Variants in APTX observed in about 807,000 individuals in gnomAD.
APTX encodes aprataxin.
A neutral mutation model predicts 42.3 loss-of-function variants in APTX; 33 were observed. That is an observed-to-expected ratio of 0.78 (90% CI 0.59 to 1.04). The LOEUF (loss-of-function observed/expected upper bound fraction) is 1.04, where lower values mean the gene tolerates loss of function less well. APTX is among the 50% of genes least tolerant of loss of function. APTX has a pLI of 0.00. For synonymous variants in APTX, 130 were observed against 146.7 expected (o/e 0.89, Z 0.82); for missense variants, 421 against 415.1 (o/e 1.01, Z -0.12).
intron 1 of APTX, among the ~76,000 whole-genome samples, chr9:33,020,530 G>A (rs371607607): frequency 6.3e-4 from 96 of 152,342 alleles, no homozygotes; most frequent in African/African-American, 2.2e-3. Context: ...AAATTTAAAT[G>A]TAATCAAATC....
chr9:33,009,489 C>T (rs1449024914), intron 1 of APTX, among the ~76,000 whole-genome samples: 1 of 152,166 alleles, frequency 6.6e-6, no homozygotes, highest in Non-Finnish European at 1.5e-5. Flanking sequence ...AATCCAATCA[C>T]ACTGCAACTA....
At position 32,988,730 on chromosome 9, in the gene APTX, G is replaced by A. The variant is rs563825065; in HGVS notation, c.134-601C>T. Among the ~76,000 whole-genome samples the A allele has an allele frequency of 5.0e-5, 7 of 139,224 alleles. No individual in the cohort carries two copies. In the South Asian group the frequency reaches 7.5e-4, roughly 15 times the overall value. The allele number at this position is 139,224 out of a possible 152,430, so 91.3% of individuals were successfully genotyped here. On this transcript the variant is annotated intron_variant, in intron 2 of 7. Coordinates refer to ENST00000379817, the MANE Select transcript of APTX (RefSeq NM_001195248.2). The stretch of plus-strand genomic sequence containing the variant: ...AAAAAAAAAGATCCATTTCTCACAC[G>A]AACTCTTGACCAAGGATTAAATCAG...
chr9:32,986,368 G>T (rs927499215), intron 4 of APTX, among the ~76,000 whole-genome samples: 4 of 151,568 alleles, frequency 2.6e-5, no homozygotes, highest in South Asian at 2.1e-4. Context: ...GCTAACTTTT[G>T]TATTTTTTAG....
upstream of APTX, among the ~76,000 whole-genome samples, chr9:33,005,032 T>C (rs1837037581): frequency 6.6e-6 from 1 of 152,188 alleles, no homozygotes; most frequent in African/African-American, 2.4e-5. Context: ...TGATTAGTGA[T>C]GTTGATCTTT....
chr9:33,005,447 G>A (rs1047574291), upstream of APTX, among the ~76,000 whole-genome samples: 1 of 151,414 alleles, frequency 6.6e-6, no homozygotes, highest in African/African-American at 2.4e-5. Flanking sequence ...TTTTGTTTTT[G>A]TTTTTGTGAG....
intron 1 of APTX, among the ~76,000 whole-genome samples, chr9:33,011,119 C>A (rs908607810): frequency 4.7e-5 from 7 of 148,212 alleles, no homozygotes; most frequent in Admixed American, 6.7e-5. Context: ...CTACAGCCTG[C>A]GTGACAGAGT....
At chr9:32,998,115 C>A (rs1294132314) in intron 1 of APTX, among the ~76,000 whole-genome samples, 2 of 152,166 alleles carry the variant, frequency 1.3e-5, no homozygotes, top group Admixed American at 6.5e-5. Context: ...AGGAAAGACA[C>A]TGAGTTCAGT....
intron 1 of APTX, among the ~76,000 whole-genome samples, chr9:33,018,953 C>G (rs2119299151): frequency 6.6e-6 from 1 of 152,102 alleles, no homozygotes; most frequent in East Asian, 1.9e-4. Context: ...CTGTCACAGT[C>G]AAGATGAGAC....
At chr9:33,000,584 C>A (rs2119111136) in intron 1 of APTX, among the ~76,000 whole-genome samples, 1 of 145,376 alleles carries the variant, frequency 6.9e-6, no homozygotes, top group East Asian at 2.1e-4. Flanking sequence ...CGAGATCACG[C>A]CGTTGCTCTC....
intron 1 of APTX, among the ~76,000 whole-genome samples, chr9:33,010,201 G>A (rs867969487): frequency 1.3e-5 from 2 of 152,152 alleles, no homozygotes; most frequent in Admixed American, 6.5e-5. Flanking sequence ...TCTTGGCACC[G>A]TCAGACCAGC....
intron 1 of APTX, among the ~76,000 whole-genome samples, chr9:32,992,785 A>C (rs1434871603): frequency 2.6e-5 from 4 of 152,236 alleles, no homozygotes; most frequent in African/African-American, 9.6e-5. Flanking sequence ...GAGGCTGTTA[A>C]TATAACGTGA....
chr9:33,025,067 G>A lies in APTX; in HGVS notation c.-49C>T, dbSNP rs917665243. The A allele has an allele frequency of 7.2e-5, 11 of 152,684 alleles. No homozygotes were observed. The East Asian group carries it at 1.3e-3, about 19-fold the overall frequency. 9.5% of individuals were successfully genotyped at this position (152,684 alleles called of 1,614,324 possible). A position where few individuals can be genotyped will look rare whatever the true frequency, so the allele number is the denominator to read the frequency against. Reference sequence around the variant, plus strand: ...TCTCAGGCTCGCTGAGTGGAGAAAAGGGCTCCAGAAGATTCCACGAGCGCC... The same window carrying A: ...TCTCAGGCTCGCTGAGTGGAGAAAAAGGCTCCAGAAGATTCCACGAGCGCC... On this transcript the variant is annotated 5_prime_UTR_variant, in exon 1 of 7. Transcript: ENST00000436040.
chr9:33,002,171 T>C (rs1836679202), upstream of APTX, among the ~76,000 whole-genome samples: 1 of 151,996 alleles, frequency 6.6e-6, no homozygotes, highest in African/African-American at 2.4e-5. Context: ...TACTGATTTT[T>C]TACAGCAATT....
chr9:33,019,703 T>TA (rs1838211301), intron 1 of APTX: 4 of 520,908 alleles, frequency 7.7e-6, no homozygotes, highest in Non-Finnish European at 1.3e-5. Flanking sequence ...AGGCCAGGCT[T>TA]AGCGGGAAAC....
rs146713667 is a variant in APTX, at chr9:33,020,995, G to A, written c.-5+4028C>T. Among the ~76,000 whole-genome samples, 801 of 152,306 alleles carry A rather than the reference G, an allele frequency of 5.3e-3. 9 individuals carry two copies. The highest frequency in any genetic ancestry group is 0.018 in the African/African-American group (753 of 41,554). On this transcript the variant is annotated intron_variant, in intron 1 of 6. Coordinates refer to the APTX transcript ENST00000436040. ...AAATACAAAATTAGCCAGGCGTGGT[G>A]GAACATGCCTGTAATCCCAGCTACT...
intron 6 of APTX, among the ~76,000 whole-genome samples, chr9:32,978,781 A>G (rs1021610652): frequency 1.3e-5 from 2 of 152,174 alleles, no homozygotes; most frequent in Admixed American, 6.5e-5. Flanking sequence ...GGACAGGAAA[A>G]GGCTACAATT....
intron 1 of APTX, among the ~76,000 whole-genome samples, chr9:33,019,276 T>A (rs1564006000): frequency 6.6e-6 from 1 of 151,892 alleles, no homozygotes; most frequent in African/African-American, 2.4e-5. Context: ...AGAGAGTTCA[T>A]AAAAAAGACT....
intron 6 of APTX, among the ~76,000 whole-genome samples, chr9:32,977,450 C>T (rs1266031210): frequency 1.3e-5 from 2 of 152,164 alleles, no homozygotes; most frequent in Admixed American, 6.5e-5. Flanking sequence ...TGACACTGTA[C>T]TCCAGACTGG....
At chr9:32,985,707 T>C (rs1230198068) in intron 5 of APTX, among the ~76,000 whole-genome samples, 1 of 152,162 alleles carries the variant, frequency 6.6e-6, no homozygotes, top group Non-Finnish European at 1.5e-5. Context: ...CTAAGGTTAA[T>C]GCAACTTCCC....
Sources: gnomAD v4.1 joint callset for allele counts (sites outside exome capture counted in the v4.1 genomes callset) on GRCh38, gnomAD v4.1.1 for gene constraint, MANE v1.5 for transcripts, NCBI Gene and HGNC (gene_info 2026-07-23, HGNC 2026-07-21) for gene names.